Variants in SLC39A12 observed in about 807,000 individuals in gnomAD.
SLC39A12 encodes solute carrier family 39 member 12.
A neutral mutation model predicts 71.1 loss-of-function variants in SLC39A12; 63 were observed. The observed-to-expected ratio is 0.89, with a 90% CI of 0.72 to 1.09. SLC39A12 has a LOEUF of 1.09. Among genes scored for constraint, SLC39A12 ranks in the 50% least tolerant of loss-of-function variants. The probability of loss-of-function intolerance (pLI) is 0.00; values close to 1 mark genes in which losing one functional copy is unlikely to be tolerated. For missense variants in SLC39A12, 892 were observed against 812.6 expected, an observed-to-expected ratio of 1.10 and a Z score of -1.19; for synonymous variants, 351 against 301.3, an observed-to-expected ratio of 1.16 and a Z score of -1.71.
chr10:17,984,657 A>G (rs1264266757), intron 6 of SLC39A12, among the ~76,000 whole-genome samples: 1 of 152,248 alleles, frequency 6.6e-6, no homozygotes, highest in Non-Finnish European at 1.5e-5. Flanking sequence ...TTTTTGTTAC[A>G]TTAGAATGAT....
intron 1 of SLC39A12, among the ~76,000 whole-genome samples, chr10:17,952,465 C>G (rs1554847224): frequency 6.6e-6 from 1 of 150,790 alleles, no homozygotes; most frequent in Non-Finnish European, 1.5e-5. Context: ...TTGTCTAAAA[C>G]TCTTTTTTTT....
intron 12 of SLC39A12, among the ~76,000 whole-genome samples, chr10:18,009,173 G>A (rs1482701230): frequency 6.6e-6 from 1 of 152,004 alleles, no homozygotes; most frequent in African/African-American, 2.4e-5. Context: ...CTGCCAAAAT[G>A]GTGTTTCCAT....
chr10:18,028,402 T>A (rs1836739879), intron 12 of SLC39A12, among the ~76,000 whole-genome samples: 1 of 152,212 alleles, frequency 6.6e-6, no homozygotes, highest in Admixed American at 6.5e-5. Context: ...TAATGGGTCT[T>A]TAGTGATGCC....
chr10:18,025,438 G>C (rs1372546967), intron 12 of SLC39A12, among the ~76,000 whole-genome samples: 1 of 151,836 alleles, frequency 6.6e-6, no homozygotes, highest in African/African-American at 2.4e-5. Context: ...CTGTGTCCAT[G>C]TGTTCTCATT....
intron 12 of SLC39A12, among the ~76,000 whole-genome samples, chr10:18,038,054 A>AAACCT: frequency 7.3e-6 from 1 of 137,140 alleles, no homozygotes. Flanking sequence ...AAAAAAAAGC[A>AAACCT]CAGCTAACTG....
intron 10 of SLC39A12, among the ~76,000 whole-genome samples, 199 bp downstream of exon 10, chr10:17,995,921 C>G (rs1334444745): frequency 1.3e-5 from 2 of 152,216 alleles, no homozygotes; most frequent in Non-Finnish European, 2.9e-5. Flanking sequence ...CAATTTTACT[C>G]CTTCCTTTAA....
At chr10:18,000,553 C>A in intron 10 of SLC39A12, 114 bp from the exon 11 acceptor site, 1 of 956,058 alleles carries the variant, frequency 1.0e-6, no homozygotes, top group Non-Finnish European at 1.6e-6. Context: ...GTTATTTAAT[C>A]AGATGGAATA....
chr10:18,016,034 C>A (rs1836372176), intron 12 of SLC39A12, among the ~76,000 whole-genome samples: 2 of 152,134 alleles, frequency 1.3e-5, no homozygotes, highest in Admixed American at 1.3e-4. Flanking sequence ...CACAAACATA[C>A]CTTAACACAT....
intron 6 of SLC39A12, among the ~76,000 whole-genome samples, chr10:17,982,752 G>A (rs1190317198): frequency 1.3e-5 from 2 of 152,098 alleles, no homozygotes; most frequent in Non-Finnish European, 2.9e-5. Context: ...CACCTGGCTT[G>A]GGGCCGGAAT....
chr10:18,040,908 G>T (rs1837207728), intron 12 of SLC39A12, among the ~76,000 whole-genome samples: 2 of 151,956 alleles, frequency 1.3e-5, no homozygotes, highest in Admixed American at 6.6e-5. Context: ...ATTTGACTGT[G>T]TCTGGAGGCA....
chr10:18,002,883 T>C (rs1434732393), intron 11 of SLC39A12: 1 of 251,582 alleles, frequency 4.0e-6, no homozygotes. Context: ...AAGTTGGAAA[T>C]GTCAGAGGAT....
At chr10:18,025,321 G>T (rs1316483149) in intron 12 of SLC39A12, among the ~76,000 whole-genome samples, 1 of 151,982 alleles carries the variant, frequency 6.6e-6, no homozygotes, top group Non-Finnish European at 1.5e-5. Flanking sequence ...CCATGTTGGT[G>T]TGCTGCACCC....
intron 4 of SLC39A12, among the ~76,000 whole-genome samples, chr10:17,967,461 C>G (rs548960640): frequency 6.6e-6 from 1 of 152,274 alleles, no homozygotes; most frequent in African/African-American, 2.4e-5. Flanking sequence ...AAAACTTCCC[C>G]TCGTCACTAC....
intron 12 of SLC39A12, among the ~76,000 whole-genome samples, chr10:18,020,316 G>T (rs773959771): frequency 3.3e-5 from 5 of 152,000 alleles, no homozygotes; most frequent in Non-Finnish European, 5.9e-5. Flanking sequence ...TTTTATGGCT[G>T]TATAGTATTC....
At chr10:17,971,048 A>G (rs973584797) in intron 4 of SLC39A12, among the ~76,000 whole-genome samples, 2 of 152,074 alleles carry the variant, frequency 1.3e-5, no homozygotes, top group South Asian at 2.1e-4. Flanking sequence ...TTCAGTATCA[A>G]TTGAAATGAT....
intron 12 of SLC39A12, among the ~76,000 whole-genome samples, chr10:18,041,914 C>CAT (rs146350076): frequency 0.063 from 9,329 of 148,190 alleles, 418 homozygotes; most frequent in East Asian, 0.21. Context: ...TATATGTATA[C>CAT]ATATATATAT....
At chr10:18,032,944 G>A (rs987359731) in intron 12 of SLC39A12, among the ~76,000 whole-genome samples, 2 of 135,380 alleles carry the variant, frequency 1.5e-5, no homozygotes, top group African/African-American at 5.7e-5. Context: ...TTATATGCTG[G>A]ATTACATTAA....
intron 11 of SLC39A12, chr10:18,002,661 C>T (rs1835870284): frequency 1.3e-5 from 2 of 152,222 alleles, no homozygotes; most frequent in Non-Finnish European, 2.9e-5. Context: ...AGATCATTTT[C>T]CTATAATCAT....
chr10:17,991,118 T>G (rs1236805169), intron 7 of SLC39A12, 33 bp from the exon 8 acceptor site: 1 of 1,480,878 alleles, frequency 6.8e-7, no homozygotes, highest in African/African-American at 1.5e-5. Flanking sequence ...TCCATCTTTC[T>G]CTCTGCCTTT....
Sources: allele counts gnomAD v4.1 joint callset (sites outside exome capture counted in the v4.1 genomes callset), GRCh38; gene constraint gnomAD v4.1.1; transcripts MANE v1.5; gene names NCBI Gene and HGNC (gene_info 2026-07-23, HGNC 2026-07-21).